The following OPRM1 variants were observed in gnomAD, a reference collection of about 807,000 sequenced individuals.
The protein encoded by OPRM1 is opioid receptor mu 1.
Under a neutral mutation model 31.8 loss-of-function variants are expected in OPRM1, and 27 were observed. That is an observed-to-expected ratio of 0.85 (90% CI 0.63 to 1.17). The LOEUF (loss-of-function observed/expected upper bound fraction) is 1.17. OPRM1 is among the 50% of genes most tolerant of loss of function. The pLI is 0.00. For missense variants in OPRM1, 536 were observed against 511.1 expected (o/e 1.05, Z -0.47); for synonymous variants, 196 against 189.9 (o/e 1.03, Z -0.26).
intron 3 of OPRM1, among the ~76,000 whole-genome samples, chr6:154,099,202 T>C (rs918806120): frequency 1.3e-5 from 2 of 151,736 alleles, no homozygotes; most frequent in Admixed American, 1.3e-4. Flanking sequence ...GGAGAATTGA[T>C]TGAACCTGGG....
intron 3 of OPRM1, among the ~76,000 whole-genome samples, chr6:154,152,170 CAA>C (rs11404098): frequency 3.7e-5 from 4 of 107,012 alleles, no homozygotes; most frequent in East Asian, 3.2e-4. Context: ...ACTTTGAAAA[CAA>C]AAAAAAAAAA....
chr6:154,087,675 C>T (rs1006412524), intron 1 of OPRM1: 8 of 796,972 alleles, frequency 1.0e-5, no homozygotes, highest in African/African-American at 1.9e-5. Context: ...CCTTGCCATT[C>T]ACCATGGCCC....
chr6:154,099,308 A>AAAGGAAGG (rs1250384082), intron 3 of OPRM1, among the ~76,000 whole-genome samples: 1 of 87,174 alleles, frequency 1.1e-5, no homozygotes, highest in Non-Finnish European at 2.1e-5. Context: ...AGGAAGGAAG[A>AAAGGAAGG]AAGGAAGGAA....
intron 3 of OPRM1, among the ~76,000 whole-genome samples, chr6:154,140,158 C>T (rs1479218867): frequency 6.6e-6 from 1 of 152,142 alleles, no homozygotes; most frequent in Non-Finnish European, 1.5e-5. Context: ...GGCAAACAGA[C>T]AGACACTGAC....
intron 3 of OPRM1, among the ~76,000 whole-genome samples, chr6:154,201,254 T>C (rs1777046617): frequency 6.6e-6 from 1 of 152,226 alleles, no homozygotes; most frequent in African/African-American, 2.4e-5. Flanking sequence ...CCAACAATTC[T>C]TGGAAAGAAC....
intron 1 of OPRM1, chr6:154,086,782 G>C (rs543305101): frequency 2.0e-6 from 2 of 985,394 alleles, no homozygotes. Flanking sequence ...GGGTAGGAAA[G>C]TGGCAAATGC....
chr6:154,052,997 A>G (rs1782509066), intron 1 of OPRM1, among the ~76,000 whole-genome samples: 1 of 152,154 alleles, frequency 6.6e-6, no homozygotes, highest in South Asian at 2.1e-4. Flanking sequence ...GTGCTATAAT[A>G]ATCACCACAC....
chr6:154,244,482 G>A (rs374729816), intron 3 of OPRM1, among the ~76,000 whole-genome samples: 1 of 152,306 alleles, frequency 6.6e-6, no homozygotes, highest in South Asian at 2.1e-4. Context: ...CTGTATTCAA[G>A]TACATGCTTT....
chr6:154,132,303 G>A lies in OPRM1; in HGVS notation c.*13582G>A, dbSNP rs1176613671. Among the ~76,000 whole-genome samples, 1 of 152,148 alleles carries A rather than the reference G, an allele frequency of 6.6e-6. No homozygotes were observed. The highest frequency in any genetic ancestry group is 2.4e-5 in the African/African-American group (1 of 41,448). ...AGGCTGTATTGTAAGTTTCCTGCAT[G>A]TAATATGTAATGTGTAATTATATGT... On this transcript the variant is annotated 3_prime_UTR_variant, in exon 4 of 4. Transcript: ENST00000330432.
At chr6:154,059,350 A>G (rs1783951790) in intron 1 of OPRM1, among the ~76,000 whole-genome samples, 1 of 152,224 alleles carries the variant, frequency 6.6e-6, no homozygotes, top group Non-Finnish European at 1.5e-5. Context: ...CTATTTACAA[A>G]GCCTCAATTG....
intron 2 of OPRM1, among the ~76,000 whole-genome samples, chr6:154,090,672 G>C (rs1024952248): frequency 6.6e-6 from 1 of 152,164 alleles, no homozygotes; most frequent in Non-Finnish European, 1.5e-5. Context: ...CCTCATGGAG[G>C]ATCTAGCTCA....
In OPRM1 at chr6:154,230,220, C is replaced by A. The variant is rs138660925; in HGVS notation, c.1165-16473C>A. ...GAACTTTATGATACATAAAATGTAC[C>A]TTAATAAAGCTGTTTTTAAAAACAT... On this transcript the variant is annotated intron_variant, in intron 3 of 3. Coordinates refer to the OPRM1 transcript ENST00000337049. Among the ~76,000 whole-genome samples, 25 of 152,066 alleles carry A rather than the reference C, an allele frequency of 1.6e-4. No homozygotes were observed. In the East Asian group the frequency reaches 4.6e-3, roughly 28 times the overall value.
intron 3 of OPRM1, among the ~76,000 whole-genome samples, chr6:154,095,774 G>C (rs1344988628): frequency 1.3e-5 from 2 of 152,124 alleles, no homozygotes; most frequent in Non-Finnish European, 2.9e-5. Context: ...TGTTCAGCTT[G>C]CTGTCTTTAT....
intron 3 of OPRM1, chr6:154,092,086 ATC>A: frequency 1.3e-5 from 3 of 227,560 alleles, no homozygotes; most frequent in Non-Finnish European, 2.2e-5. Context: ...GTGAATATTA[ATC>A]TAATAAATTT....
In OPRM1 at chr6:154,083,149, C is replaced by A. The variant is rs533871739; in HGVS notation, c.291-6677C>A. On this transcript the variant is annotated intron_variant, in intron 1 of 3. Transcript: ENST00000330432. Reference sequence around the variant, plus strand: ...TCTTGGCTATAATGGAAGTATCTCTCGTTCCATTTCCTTTCCTATACCCAG... The same window carrying A: ...TCTTGGCTATAATGGAAGTATCTCTAGTTCCATTTCCTTTCCTATACCCAG... Among the ~76,000 whole-genome samples the A allele has an allele frequency of 2.0e-5, 3 of 152,270 alleles. No individual in the cohort carries two copies. In the East Asian group the frequency reaches 5.8e-4, roughly 29 times the overall value.
At chr6:154,028,700 A>G (rs1308985341) in intron 1 of OPRM1, among the ~76,000 whole-genome samples, 1 of 152,146 alleles carries the variant, frequency 6.6e-6, no homozygotes, top group East Asian at 1.9e-4. Flanking sequence ...GGCAGGCATC[A>G]ACTGAGTTGG....
At chr6:154,052,287 T>C (rs1202409269) in intron 1 of OPRM1, among the ~76,000 whole-genome samples, 1 of 152,204 alleles carries the variant, frequency 6.6e-6, no homozygotes, top group Non-Finnish European at 1.5e-5. Flanking sequence ...GGCACAAGTA[T>C]ACCTGTGTAA....
intron 3 of OPRM1, among the ~76,000 whole-genome samples, chr6:154,164,867 A>G (rs1583681558): frequency 6.6e-6 from 1 of 152,216 alleles, no homozygotes; most frequent in African/African-American, 2.4e-5. Context: ...AAATATCTGT[A>G]TTTAGTGTAC....
intron 3 of OPRM1, among the ~76,000 whole-genome samples, chr6:154,140,965 T>A (rs903119450): frequency 3.3e-5 from 5 of 152,188 alleles, no homozygotes; most frequent in Non-Finnish European, 7.3e-5. Flanking sequence ...TGGCCCCAGC[T>A]CTTCAGTACT....
Sources: gnomAD v4.1 joint callset for allele counts (sites outside exome capture counted in the v4.1 genomes callset) on GRCh38, gnomAD v4.1.1 for gene constraint, MANE v1.5 for transcripts, NCBI Gene and HGNC (gene_info 2026-07-23, HGNC 2026-07-21) for gene names.